Variants in ZNF264 observed in about 807,000 individuals in gnomAD.
ZNF264 encodes zinc finger protein 264.
A neutral mutation model predicts 11.2 loss-of-function variants in ZNF264; 11 were observed. That is an observed-to-expected ratio of 0.98 (90% CI 0.62 to 1.63). The LOEUF is 1.63. Among genes scored for constraint, ZNF264 ranks in the 40% most tolerant of loss-of-function variants. The pLI is 0.00. For missense variants in ZNF264, 752 were observed against 768.1 expected (o/e 0.98, Z 0.25); for synonymous variants, 309 against 279.8 (o/e 1.10, Z -1.04).
chr19:57,192,640 C>T (rs922773782), intron 1 of ZNF264: 1 of 917,852 alleles, frequency 1.1e-6, no homozygotes, highest in Non-Finnish European at 1.3e-6. Flanking sequence ...GGAAGCTGGT[C>T]TGGAGCCTGT....
rs1406266979 is a variant in ZNF264, at chr19:57,212,132, C to T, written c.1035C>T (p.Cys345=). 6 of 1,614,206 alleles carry T rather than the reference C, an allele frequency of 3.7e-6. No homozygotes were observed. The South Asian group carries it at 5.5e-5, about 15-fold the overall frequency. Residue 345 remains cysteine (C), a synonymous_variant, in exon 4 of 4, where the codon TGC becomes TGT. Transcript: ENST00000263095. The part of the protein sequence containing the change: ...VVHSGENPYE[C]LECGKVFKHR... ...ACAGTGGTGAGAATCCCTATGAGTG[C>T]TTGGAGTGTGGCAAGGTCTTCAAAC...
At chr19:57,196,038 A>G (rs1488825321) in intron 2 of ZNF264, among the ~76,000 whole-genome samples, 4 of 151,886 alleles carry the variant, frequency 2.6e-5, no homozygotes, top group African/African-American at 9.7e-5. Flanking sequence ...AATTCAGAGC[A>G]TACATGGCCT....
At position 57,212,125 on chromosome 19, in the gene ZNF264, A is replaced by G. The variant is rs200568867; in HGVS notation, c.1028A>G (p.Tyr343Cys). 81 of 1,614,178 alleles carry G rather than the reference A, an allele frequency of 5.0e-5. No homozygotes were observed. Among genetic ancestry groups the G allele is most frequent in the Admixed American group, 6.7e-5 (4 of 60,028 alleles). The change falls in exon 4 of 4, where the codon TAT (tyrosine) becomes TGT (cysteine). Residue 343 changes from tyrosine (Y) to cysteine (C), a missense_variant. Coordinates refer to ENST00000263095, the MANE Select transcript of ZNF264 (RefSeq NM_003417.5). Reference sequence around the variant, plus strand: ...GTTGTCCACAGTGGTGAGAATCCCTATGAGTGCTTGGAGTGTGGCAAGGTC... The same window carrying G: ...GTTGTCCACAGTGGTGAGAATCCCTGTGAGTGCTTGGAGTGTGGCAAGGTC... ...HYVVHSGENP[Y>C]ECLECGKVFK...
chr19:57,222,516 CTCTCTCTA>C lies in ZNF264; in HGVS notation c.*9537_*9544del, dbSNP rs59994150. ...TAGTCTGCTCGCGTTCTCTCTCTCT[CTCTCTCTA>C]TATATATATATGTATATGTGTGTGT... On this transcript the variant is annotated 3_prime_UTR_variant, in exon 4 of 4. Transcript: ENST00000263095. The C allele has an allele frequency of 0.3, 43,751 of 144,214 alleles. 6,710 individuals are homozygous for C. The highest frequency in any genetic ancestry group is 0.41 in the African/African-American group (15,776 of 38,248). The allele number at this position is 144,214 out of a possible 1,614,324, so 8.9% of individuals were successfully genotyped here.
In ZNF264 at chr19:57,212,604, C is replaced by T. The variant is rs201494065; in HGVS notation, c.1507C>T (p.Arg503Trp). The T allele has an allele frequency of 2.4e-5, 38 of 1,613,860 alleles. No individual in the cohort carries two copies. The East Asian group carries it at 5.6e-4, about 24-fold the overall frequency. ...CATGTCGGGCCTCACGAGGCACAAG[C>T]GGATTCATAGTGGAGAGAAGCCCTA... ...TRMSGLTRHK[R>W]IHSGEKPYEC... The change falls in exon 4 of 4, where the codon CGG (arginine) becomes TGG (tryptophan). Residue 503 changes from arginine to tryptophan, a missense_variant. Arg to Trp is a moderately radical substitution (Grantham distance 101). Transcript: ENST00000263095.
intron 1 of ZNF264, 58 bp from the exon 2 acceptor site, chr19:57,193,817 C>G (rs2087192800): frequency 6.2e-7 from 1 of 1,601,616 alleles, no homozygotes; most frequent in Non-Finnish European, 8.5e-7. Context: ...GGAGCACAGT[C>G]TGTGATCTCA....
intron 2 of ZNF264, chr19:57,194,258 A>G (rs768274254): frequency 9.1e-5 from 44 of 482,682 alleles, no homozygotes; most frequent in Non-Finnish European, 1.5e-4. Context: ...CTCAAAGGTA[A>G]TTTTCAGCTG....
Position 57,212,882 on chromosome 19 carries a change from G to T in ZNF264, c.1785G>T (p.Leu595Phe). Residue 595 changes from leucine to phenylalanine, a missense_variant, in exon 4 of 4, where the codon TTG becomes TTT. Transcript: ENST00000263095. ...AACTTCTTTTAGGGAAGGACTTTTT[G>T]AATGTAACCACTGAGGCAAATATTT... ...LRELLLGKDFLNVTTEANILP... is the reference protein window; with the variant it reads ...LRELLLGKDFFNVTTEANILP... The T allele has an allele frequency of 1.2e-6, 2 of 1,614,182 alleles. No individual in the cohort carries two copies. The highest frequency in any genetic ancestry group is 1.7e-6 in the Non-Finnish European group (2 of 1,180,036).
At chr19:57,199,127 A>G (rs1241930401) in intron 2 of ZNF264, among the ~76,000 whole-genome samples, 2 of 151,926 alleles carry the variant, frequency 1.3e-5, no homozygotes, top group African/African-American at 4.9e-5. Flanking sequence ...TCTGTTGTCC[A>G]TTATGATAGC....
intron 1 of ZNF264, 39 bp downstream of exon 1, chr19:57,191,985 C>T: frequency 6.6e-7 from 1 of 1,508,544 alleles, no homozygotes. Flanking sequence ...GCTTCCTTGC[C>T]AGCGCTGAGG....
intron 2 of ZNF264, among the ~76,000 whole-genome samples, chr19:57,203,657 A>G (rs142350871): frequency 6.6e-6 from 1 of 152,282 alleles, no homozygotes; most frequent in Non-Finnish European, 1.5e-5. Flanking sequence ...ACTCTATCAC[A>G]GTAGAACGTT....
chr19:57,212,438 G>A lies in ZNF264; in HGVS notation c.1341G>A (p.Arg447=), dbSNP rs1019430009. The A allele has an allele frequency of 2.5e-6, 4 of 1,613,958 alleles. No individual in the cohort carries two copies. The African/African-American group carries it at 4.0e-5, about 16-fold the overall frequency. ...GCTCTACTTTTATCTTGCATAAAAGGGCCCACACTGGAGAAAAGCCTTTCG... is the reference window on the plus strand; with the variant it reads ...GCTCTACTTTTATCTTGCATAAAAGAGCCCACACTGGAGAAAAGCCTTTCG... ...THCSTFILHK[R]AHTGEKPFEC... Residue 447 remains arginine (R), a synonymous_variant, in exon 4 of 4, where the codon AGG becomes AGA. Transcript: ENST00000263095.
intron 3 of ZNF264, among the ~76,000 whole-genome samples, chr19:57,207,545 CTTT>C (rs757880568): frequency 1.9e-5 from 2 of 103,124 alleles, no homozygotes; most frequent in Admixed American, 9.9e-5. Flanking sequence ...TTTTTCTTTT[CTTT>C]TTTTTTTTTT....
rs2087395195 is a variant in ZNF264, at chr19:57,218,377, CTTCA to C, written c.*5401_*5404del. 1 of 152,178 alleles carries C rather than the reference CTTCA, an allele frequency of 6.6e-6. No homozygotes were observed. The highest frequency in any genetic ancestry group is 2.1e-4 in the South Asian group (1 of 4,822). 9.4% of individuals were successfully genotyped at this position (152,178 alleles called of 1,614,324 possible). A position where few individuals can be genotyped will look rare whatever the true frequency, so the allele number is the denominator to read the frequency against. On this transcript the variant is annotated 3_prime_UTR_variant, in exon 4 of 4. Transcript: ENST00000263095. The stretch of plus-strand genomic sequence containing the variant: ...TTTACAATGCATCAGTTCTGTCAAG[CTTCA>C]TTCAAAGTGTTTTTCATTGTCTCTA...
Position 57,212,038 on chromosome 19 carries a change from C to T in ZNF264, c.941C>T (p.Ser314Phe), listed in dbSNP as rs760089912. The change falls in exon 4 of 4, where the codon TCC (serine) becomes TTC (phenylalanine). Residue 314 changes from serine (S) to phenylalanine (F), a missense_variant. Physicochemically the swap from Ser to Phe is radical, Grantham distance 155. Coordinates refer to ENST00000263095, the MANE Select transcript of ZNF264 (RefSeq NM_003417.5). ...AACAGGAGACACACTGGAGAAAAAT[C>T]CTTTGTGTGCACAGAATGTGGCCAA... is the stretch of plus-strand genomic sequence containing the variant. The part of the protein sequence containing the change: ...LHNRRHTGEK[S>F]FVCTECGQVF... 2 of 1,613,912 alleles carry T rather than the reference C, an allele frequency of 1.2e-6. No homozygotes were observed. Among genetic ancestry groups the T allele is most frequent in the Non-Finnish European group, 1.7e-6 (2 of 1,179,976 alleles).
rs761741321 is a variant in ZNF264 at position 57,212,423 on chromosome 19, T to C, written c.1326T>C (p.Phe442=). 185 of 1,613,168 alleles carry C rather than the reference T, an allele frequency of 1.1e-4. No homozygotes were observed. The highest frequency in any genetic ancestry group is 1.7e-4 in the Middle Eastern group (1 of 6,054). ...AGGCCTTCACCCACTGCTCTACTTT[T>C]ATCTTGCATAAAAGGGCCCACACTG... The part of the protein sequence containing the change: ...CGKAFTHCST[F]ILHKRAHTGE... The change falls in exon 4 of 4, where the codon TTT becomes TTC. Residue 442 remains phenylalanine, a synonymous_variant. Transcript: ENST00000263095.
At position 57,219,524 on chromosome 19, in the gene ZNF264, G is replaced by A. The variant is rs554403203; in HGVS notation, c.*6543G>A. On this transcript the variant is annotated 3_prime_UTR_variant, in exon 4 of 4. Coordinates refer to ENST00000263095, the MANE Select transcript of ZNF264 (RefSeq NM_003417.5). ...TCCCTCACTCCACGGACAGCTACAG[G>A]AGGGCTTCCATCATTTGTCCTCTTA... 2 of 152,394 alleles carry A rather than the reference G, an allele frequency of 1.3e-5. No individual in the cohort carries two copies. Among genetic ancestry groups the A allele is most frequent in the South Asian group, 2.1e-4 (1 of 4,822 alleles). 9.4% of individuals were successfully genotyped at this position (152,394 alleles called of 1,614,324 possible). A position where few individuals can be genotyped will look rare whatever the true frequency, so the allele number is the denominator to read the frequency against.
rs1236169029 is a variant in ZNF264, at chr19:57,219,670, A to ATT, written c.*6693_*6694dup. Reference sequence around the variant, plus strand: ...TGTGTCTTCCTTCCAACTCTTAAACATTTTTGTTTCCCAGAATCCATCATT... The same window carrying ATT: ...TGTGTCTTCCTTCCAACTCTTAAACATTTTTTTGTTTCCCAGAATCCATCATT... On this transcript the variant is annotated 3_prime_UTR_variant, in exon 4 of 4. Transcript: ENST00000263095. 6.6e-6 allele frequency: 1 copy of ATT among 152,128 alleles called. No homozygotes were observed. Among genetic ancestry groups the ATT allele is most frequent in the Non-Finnish European group, 1.5e-5 (1 of 68,038 alleles). The allele number at this position is 152,128 out of a possible 1,614,324, so 9.4% of individuals were successfully genotyped here.
chr19:57,208,221 T>C (rs1285538141), intron 3 of ZNF264, among the ~76,000 whole-genome samples: 1 of 152,242 alleles, frequency 6.6e-6, no homozygotes, highest in Non-Finnish European at 1.5e-5. Context: ...TATATATTCA[T>C]TGATACATTC....
Sources: gnomAD v4.1 joint callset for allele counts (sites outside exome capture counted in the v4.1 genomes callset) on GRCh38, gnomAD v4.1.1 for gene constraint, MANE v1.5 for transcripts, NCBI Gene and HGNC (gene_info 2026-07-23, HGNC 2026-07-21) for gene names.